Variants in SND1 observed in about 807,000 individuals in gnomAD.
SND1 encodes staphylococcal nuclease and tudor domain containing 1, also known as staphylococcal nuclease domain-containing protein 1.
SND1 carries 38 observed loss-of-function variants against 121.7 expected under a neutral mutation model. That is an observed-to-expected ratio of 0.31 (90% CI 0.24 to 0.41). The LOEUF is 0.41. Among genes scored for constraint, SND1 ranks in the 10% least tolerant of loss-of-function variants. The probability of loss-of-function intolerance (pLI) is 1.00; values close to 1 mark genes in which losing one functional copy is unlikely to be tolerated. For synonymous variants in SND1, 401 were observed against 447.4 expected, an observed-to-expected ratio of 0.90 and a Z score of 1.31; for missense variants, 868 against 1,184.6, an observed-to-expected ratio of 0.73 and a Z score of 3.92.
At chr7:128,028,453 C>T (rs946147522) in intron 16 of SND1, 8 of 458,624 alleles carry the variant, frequency 1.7e-5, no homozygotes, top group African/African-American at 4.0e-5. Flanking sequence ...TACCCCACAA[C>T]GTTCCCAAGA....
chr7:128,070,116 T>C (rs1584772357), intron 16 of SND1, among the ~76,000 whole-genome samples: 1 of 152,180 alleles, frequency 6.6e-6, no homozygotes, highest in East Asian at 1.9e-4. Flanking sequence ...CATCTGAAGG[T>C]CACATTGACC....
intron 12 of SND1, among the ~76,000 whole-genome samples, chr7:127,872,628 G>GCACACACACACA (rs56324746): frequency 2.1e-5 from 3 of 139,846 alleles, no homozygotes; most frequent in Admixed American, 1.4e-4. Context: ...TAACACACAC[G>GCACACACACACA]CACACACACA....
chr7:128,050,443 C>CA, intron 16 of SND1, among the ~76,000 whole-genome samples: 1 of 152,330 alleles, frequency 6.6e-6, no homozygotes, highest in East Asian at 1.9e-4. Flanking sequence ...AAAGCCTCTG[C>CA]AAGTTTAGCT....
chr7:127,709,322 G>A (rs1223723750), intron 9 of SND1, among the ~76,000 whole-genome samples: 1 of 152,164 alleles, frequency 6.6e-6, no homozygotes, highest in Non-Finnish European at 1.5e-5. Context: ...CACCCAAAAA[G>A]GGAGGCAGGC....
intron 1 of SND1, among the ~76,000 whole-genome samples, chr7:127,678,721 A>G (rs1390868927): frequency 6.6e-6 from 1 of 152,084 alleles, no homozygotes; most frequent in Non-Finnish European, 1.5e-5. Context: ...TTTTCAAGAG[A>G]TGATTCTTCC....
At chr7:127,934,028 T>C (rs1322025039) in intron 15 of SND1, among the ~76,000 whole-genome samples, 1 of 152,122 alleles carries the variant, frequency 6.6e-6, no homozygotes, top group Non-Finnish European at 1.5e-5. Context: ...AGTTGAGTAC[T>C]AGATGAGAGA....
At chr7:127,821,478 A>C (rs1463051414) in intron 11 of SND1, among the ~76,000 whole-genome samples, 2 of 152,060 alleles carry the variant, frequency 1.3e-5, no homozygotes, top group Admixed American at 6.6e-5. Context: ...TGTTGTCTCC[A>C]GGTTGATGGG....
intron 13 of SND1, among the ~76,000 whole-genome samples, chr7:127,903,010 T>C (rs1376897416): frequency 2.6e-5 from 4 of 152,166 alleles, no homozygotes; most frequent in African/African-American, 7.2e-5. Flanking sequence ...GCCTCCCGAG[T>C]AGCTGGGATT....
chr7:128,087,218 G>A (rs1218650590), intron 21 of SND1, among the ~76,000 whole-genome samples, 167 bp downstream of exon 21: 1 of 152,236 alleles, frequency 6.6e-6, no homozygotes, highest in Non-Finnish European at 1.5e-5. Context: ...GGTAGTATTA[G>A]AGCATTCCAG....
At chr7:127,738,847 C>T (rs1376498870) in intron 10 of SND1, among the ~76,000 whole-genome samples, 1 of 152,140 alleles carries the variant, frequency 6.6e-6, no homozygotes, top group Non-Finnish European at 1.5e-5. Flanking sequence ...CCAGGGTGGT[C>T]TCCCACTCAT....
At chr7:127,759,570 T>A (rs890727552) in intron 10 of SND1, among the ~76,000 whole-genome samples, 2 of 152,152 alleles carry the variant, frequency 1.3e-5, no homozygotes, top group Non-Finnish European at 2.9e-5. Flanking sequence ...TAGTAGAAAA[T>A]GGTATCTAAA....
chr7:127,994,965 G>A (rs1802612346), intron 16 of SND1, among the ~76,000 whole-genome samples: 1 of 151,730 alleles, frequency 6.6e-6, no homozygotes, highest in Non-Finnish European at 1.5e-5. Context: ...CTTGTGATCT[G>A]CCTACCTCAG....
intron 16 of SND1, 40 bp downstream of exon 16, chr7:127,991,096 G>A (rs779934062): frequency 6.9e-7 from 1 of 1,454,944 alleles, no homozygotes; most frequent in Non-Finnish European, 9.6e-7. Context: ...GAGGAGGGGT[G>A]ACAAAATAAG....
intron 1 of SND1, among the ~76,000 whole-genome samples, chr7:127,660,009 CT>C (rs58679623): frequency 0.68 from 90,676 of 133,626 alleles, 30,557 homozygotes; most frequent in African/African-American, 0.86. Flanking sequence ...TGTTCCTATT[CT>C]TTTTTTTTTT....
intron 12 of SND1, among the ~76,000 whole-genome samples, chr7:127,865,799 AG>A (rs1308829261): frequency 1.3e-5 from 2 of 150,942 alleles, no homozygotes; most frequent in African/African-American, 4.9e-5. Context: ...TTTTTTTAAT[AG>A]AGACAGGGTC....
chr7:127,774,946 G>A (rs1797587278), intron 10 of SND1, among the ~76,000 whole-genome samples: 1 of 152,194 alleles, frequency 6.6e-6, no homozygotes, highest in African/African-American at 2.4e-5. Flanking sequence ...TCACCATTGT[G>A]TTACAGTTGC....
At chr7:127,900,812 AC>A (rs1254083327) in intron 13 of SND1, among the ~76,000 whole-genome samples, 3 of 152,184 alleles carry the variant, frequency 2.0e-5, no homozygotes, top group Non-Finnish European at 4.4e-5. Context: ...AGTTATTGAC[AC>A]TGGTAGTCTT....
intron 1 of SND1, 57 bp downstream of exon 1, chr7:127,652,508 A>G (rs936204714): frequency 1.6e-5 from 22 of 1,382,476 alleles, no homozygotes; most frequent in Non-Finnish European, 2.2e-5. Context: ...GGAGTCAGGC[A>G]TTGACTCCAC....
chr7:128,080,952 C>T (rs1249071983), intron 17 of SND1, among the ~76,000 whole-genome samples: 1 of 151,894 alleles, frequency 6.6e-6, no homozygotes, highest in Non-Finnish European at 1.5e-5. Context: ...CAGTCACTCG[C>T]CCAGGGCCGA....
Sources: gnomAD v4.1 joint callset for allele counts (sites outside exome capture counted in the v4.1 genomes callset) on GRCh38, gnomAD v4.1.1 for gene constraint, MANE v1.5 for transcripts, NCBI Gene and HGNC (gene_info 2026-07-23, HGNC 2026-07-21) for gene names.